Variants in EXOC4 observed in about 807,000 individuals in gnomAD.
EXOC4 encodes SEC8-like 1.
EXOC4 carries 71 observed loss-of-function variants against 107.2 expected under a neutral mutation model. That is an observed-to-expected ratio of 0.66 (90% CI 0.55 to 0.81). EXOC4 has a LOEUF of 0.81. EXOC4 is among the 30% of genes least tolerant of loss of function. The pLI is 0.00. For synonymous variants in EXOC4, 456 were observed against 441.2 expected (o/e 1.03, Z -0.42); for missense variants, 1,108 against 1,189.6 (o/e 0.93, Z 1.01).
At chr7:133,412,113 A>G (rs1481760742) in intron 7 of EXOC4, among the ~76,000 whole-genome samples, 5 of 151,952 alleles carry the variant, frequency 3.3e-5, no homozygotes, top group Admixed American at 6.6e-5. Context: ...TCACTTGTCT[A>G]TCAGTGAGCT....
chr7:134,018,739 C>G (rs1794964149), intron 17 of EXOC4, among the ~76,000 whole-genome samples: 1 of 151,820 alleles, frequency 6.6e-6, no homozygotes, highest in South Asian at 2.1e-4. Context: ...TGTTCTCTCT[C>G]TACTGAATTA....
intron 17 of EXOC4, among the ~76,000 whole-genome samples, chr7:134,015,771 A>G (rs1483600465): frequency 6.6e-6 from 1 of 151,382 alleles, no homozygotes; most frequent in Non-Finnish European, 1.5e-5. Context: ...GCTACTTGGG[A>G]GGCTGAGGCA....
At chr7:134,040,847 A>T (rs757500571) in intron 17 of EXOC4, among the ~76,000 whole-genome samples, 2 of 152,232 alleles carry the variant, frequency 1.3e-5, no homozygotes, top group Admixed American at 6.5e-5. Context: ...ACTATCATCA[A>T]TGGTACTAGT....
chr7:133,972,017 C>T (rs1801252178), intron 14 of EXOC4, among the ~76,000 whole-genome samples: 1 of 152,168 alleles, frequency 6.6e-6, no homozygotes, highest in Non-Finnish European at 1.5e-5. Context: ...TTCCCATTCT[C>T]TTGACTTTCT....
chr7:133,473,861 C>T (rs545944714), intron 7 of EXOC4, among the ~76,000 whole-genome samples: 28 of 148,968 alleles, frequency 1.9e-4, no homozygotes, highest in African/African-American at 2.3e-4. Context: ...CCACCATGCC[C>T]GGCTAATTTT....
intron 7 of EXOC4, among the ~76,000 whole-genome samples, chr7:133,445,480 C>A (rs929979898): frequency 6.6e-6 from 1 of 152,164 alleles, no homozygotes; most frequent in African/African-American, 2.4e-5. Flanking sequence ...GGCTTTGATT[C>A]ATATGCCAGC....
At chr7:133,786,287 C>T (rs1252347678) in intron 10 of EXOC4, among the ~76,000 whole-genome samples, 7 of 152,172 alleles carry the variant, frequency 4.6e-5, no homozygotes, top group Non-Finnish European at 7.3e-5. Context: ...ACCCAGTTAT[C>T]GCTAACTCCC....
intron 6 of EXOC4, among the ~76,000 whole-genome samples, chr7:133,368,113 G>C (rs1796286019): frequency 6.6e-6 from 1 of 152,182 alleles, no homozygotes; most frequent in Admixed American, 6.5e-5. Flanking sequence ...TGTGTTGTAG[G>C]AGAGATGTGT....
chr7:133,956,689 A>G (rs1800826788), intron 14 of EXOC4, among the ~76,000 whole-genome samples: 1 of 152,204 alleles, frequency 6.6e-6, no homozygotes, highest in Non-Finnish European at 1.5e-5. Flanking sequence ...GACTGAAGCT[A>G]GAATAGCTAA....
intron 12 of EXOC4, among the ~76,000 whole-genome samples, chr7:133,899,745 C>CTT (rs35095963): frequency 0.022 from 1,873 of 86,046 alleles, 39 homozygotes; most frequent in African/African-American, 0.053. Context: ...CAGATGTACT[C>CTT]TTTTTTTTTT....
chr7:133,846,308 C>T (rs1160296380), intron 11 of EXOC4, among the ~76,000 whole-genome samples: 1 of 152,094 alleles, frequency 6.6e-6, no homozygotes, highest in Non-Finnish European at 1.5e-5. Context: ...TTCTTGTAAC[C>T]TTCAAAAATG....
intron 10 of EXOC4, among the ~76,000 whole-genome samples, chr7:133,753,348 T>C (rs1795833090): frequency 6.6e-6 from 1 of 152,204 alleles, no homozygotes; most frequent in Non-Finnish European, 1.5e-5. Flanking sequence ...TTTATTCACC[T>C]TTGTGTTACT....
intron 10 of EXOC4, among the ~76,000 whole-genome samples, chr7:133,786,116 A>G (rs975727843): frequency 2.0e-5 from 3 of 152,254 alleles, no homozygotes; most frequent in Non-Finnish European, 2.9e-5. Flanking sequence ...ACAAAAAAGC[A>G]GAACTTTTAA....
intron 5 of EXOC4, among the ~76,000 whole-genome samples, chr7:133,347,757 G>A (rs954092283): frequency 2.0e-5 from 3 of 151,940 alleles, no homozygotes; most frequent in Non-Finnish European, 4.4e-5. Flanking sequence ...GTGTGTAGGG[G>A]GCTGTGATCA....
Position 133,938,686 on chromosome 7 carries a change from C to A in EXOC4, c.2206+617C>A, listed in dbSNP as rs534151792. On this transcript the variant is annotated intron_variant, in intron 14 of 17. Coordinates refer to ENST00000253861, the MANE Select transcript of EXOC4 (RefSeq NM_021807.4). ...GAAAAATAATTTGAAAACTTTAGGGCACATAAACTTTAATAACTATAAAAT... is the reference window on the plus strand; with the variant it reads ...GAAAAATAATTTGAAAACTTTAGGGAACATAAACTTTAATAACTATAAAAT... 2.0e-5 allele frequency among the ~76,000 whole-genome samples: 3 copies of A among 152,186 alleles called. No individual in the cohort carries two copies. In the South Asian group the frequency reaches 6.2e-4, roughly 32 times the overall value.
chr7:133,508,016 C>T (rs1270973766), intron 9 of EXOC4, among the ~76,000 whole-genome samples: 1 of 151,812 alleles, frequency 6.6e-6, no homozygotes, highest in Non-Finnish European at 1.5e-5. Context: ...ACCAAGATCG[C>T]GCCATTGCAC....
chr7:133,376,312 T>C (rs1305606003), intron 7 of EXOC4, among the ~76,000 whole-genome samples: 1 of 152,244 alleles, frequency 6.6e-6, no homozygotes. Context: ...AAAATATCTT[T>C]ATGGGTTGGA....
intron 1 of EXOC4, among the ~76,000 whole-genome samples, chr7:133,272,467 A>G (rs1040651493): frequency 6.6e-6 from 1 of 152,184 alleles, no homozygotes; most frequent in Non-Finnish European, 1.5e-5. Context: ...GCCTGTTATG[A>G]GGATTAAACA....
At chr7:133,915,060 A>G (rs1319485959) in intron 12 of EXOC4, among the ~76,000 whole-genome samples, 2 of 152,228 alleles carry the variant, frequency 1.3e-5, no homozygotes, top group Non-Finnish European at 2.9e-5. Context: ...GAAAAATATA[A>G]TAACTGCAAA....
Sources: allele counts gnomAD v4.1 joint callset (sites outside exome capture counted in the v4.1 genomes callset), GRCh38; gene constraint gnomAD v4.1.1; transcripts MANE v1.5; gene names NCBI Gene and HGNC (gene_info 2026-07-23, HGNC 2026-07-21).